Variants in PHLDB2 observed in about 807,000 individuals in gnomAD.
The protein encoded by PHLDB2 is pleckstrin homology-like domain family B member 2.
Under a neutral mutation model 123.6 loss-of-function variants are expected in PHLDB2, and 71 were observed. The observed-to-expected ratio is 0.57, with a 90% CI of 0.47 to 0.70. PHLDB2 has a LOEUF of 0.70. Ranked by LOEUF, PHLDB2 falls within the 30% of genes least tolerant of loss-of-function variation. The pLI is 0.00. For synonymous variants in PHLDB2, 547 were observed against 541.6 expected, an observed-to-expected ratio of 1.01 and a Z score of -0.14; for missense variants, 1,446 against 1,519.5, an observed-to-expected ratio of 0.95 and a Z score of 0.80.
intron 1 of PHLDB2, among the ~76,000 whole-genome samples, chr3:111,818,064 G>C (rs1471461896): frequency 6.6e-6 from 1 of 151,938 alleles, no homozygotes; most frequent in Non-Finnish European, 1.5e-5. Flanking sequence ...GTGAAAAAAG[G>C]CCTTTGATAT....
At chr3:111,929,793 CAG>C (rs1170839079) in intron 5 of PHLDB2, among the ~76,000 whole-genome samples, 1 of 152,150 alleles carries the variant, frequency 6.6e-6, no homozygotes, top group Non-Finnish European at 1.5e-5. Flanking sequence ...TACTGATAAA[CAG>C]AGAAGCTGCA....
At chr3:111,863,740 G>C in intron 1 of PHLDB2, among the ~76,000 whole-genome samples, 1 of 152,178 alleles carries the variant, frequency 6.6e-6, no homozygotes, top group Non-Finnish European at 1.5e-5. Context: ...GAAAATGATA[G>C]TAAAGAAAGT....
In PHLDB2 at chr3:111,952,696, G is replaced by A; in HGVS notation, c.2756G>A (p.Arg919Lys). The A allele has an allele frequency of 6.2e-7, 1 of 1,613,046 alleles. No individual in the cohort carries two copies. Among genetic ancestry groups the A allele is most frequent in the Non-Finnish European group, 8.5e-7 (1 of 1,179,658 alleles). Residue 919 changes from arginine to lysine, a missense_variant, in exon 11 of 18, where the codon AGA becomes AAA. Transcript: ENST00000431670. ...SPHFSSATMG[R>K]SITPKAHLPL... ...CATTTCAGCAGTGCTACTATGGGGA[G>A]AAGCATCACCCCAAAGGTAGGACCT...
At chr3:111,860,912 T>C (rs952769999) in intron 1 of PHLDB2, among the ~76,000 whole-genome samples, 53 of 152,352 alleles carry the variant, frequency 3.5e-4, no homozygotes, top group African/African-American at 1.2e-3. Flanking sequence ...TTTCCCTTCG[T>C]AATATGAACG....
intron 6 of PHLDB2, among the ~76,000 whole-genome samples, chr3:111,934,327 A>G (rs1252491489): frequency 6.6e-6 from 1 of 152,058 alleles, no homozygotes; most frequent in African/African-American, 2.4e-5. Flanking sequence ...CCTAAAGTTC[A>G]CTTTAGGACC....
In PHLDB2 at chr3:111,904,214, G is replaced by A. The variant is rs560902576; in HGVS notation, c.1336-9105G>A. On this transcript the variant is annotated intron_variant, in intron 2 of 17. Coordinates refer to ENST00000431670, the MANE Select transcript of PHLDB2 (RefSeq NM_001134438.2). ...AATTGCTTGGACCCAAGAGGTGGGG[G>A]TTGCAATGAGCCAAGATTGCAACAC... 6.0e-5 allele frequency among the ~76,000 whole-genome samples: 8 copies of A among 133,630 alleles called. No homozygotes were observed. In the South Asian group the frequency reaches 2.0e-3, roughly 33 times the overall value. The allele number at this position is 133,630 out of a possible 152,430, so 87.7% of individuals were successfully genotyped here.
At chr3:111,884,017 T>G (rs778394305) in intron 1 of PHLDB2, 47 bp from the exon 2 acceptor site, 1 of 1,533,272 alleles carries the variant, frequency 6.5e-7, no homozygotes, top group Non-Finnish European at 8.8e-7. Flanking sequence ...GGATTGTTCT[T>G]TTAAAATCTT....
At chr3:111,770,961 G>C (rs113143242) in intron 1 of PHLDB2, among the ~76,000 whole-genome samples, 1 of 54,356 alleles carries the variant, frequency 1.8e-5, no homozygotes, top group Admixed American at 2.1e-4. Flanking sequence ...GCAGCTTGAG[G>C]AGAGATGTGG....
intron 2 of PHLDB2, among the ~76,000 whole-genome samples, chr3:111,894,598 CCTTT>C (rs2066710512): frequency 6.6e-6 from 1 of 151,576 alleles, no homozygotes; most frequent in Non-Finnish European, 1.5e-5. Context: ...TTAATGATTG[CCTTT>C]CTAACTGGTG....
At chr3:111,782,783 T>G (rs2108119345) in intron 1 of PHLDB2, among the ~76,000 whole-genome samples, 1 of 152,254 alleles carries the variant, frequency 6.6e-6, no homozygotes, top group Middle Eastern at 3.4e-3. Flanking sequence ...CTCATCATTT[T>G]GAACAAGTGC....
intron 1 of PHLDB2, among the ~76,000 whole-genome samples, chr3:111,742,393 G>A (rs1046826939): frequency 6.6e-6 from 1 of 152,032 alleles, no homozygotes; most frequent in Non-Finnish European, 1.5e-5. Context: ...CATGTGCCAT[G>A]TTGGTGTGCT....
chr3:111,960,663 C>T (rs982300518), intron 12 of PHLDB2, among the ~76,000 whole-genome samples: 2 of 152,100 alleles, frequency 1.3e-5, no homozygotes, highest in Non-Finnish European at 2.9e-5. Context: ...TACTATTGAC[C>T]ATTTCATTAT....
chr3:111,881,895 T>C (rs572126814), intron 1 of PHLDB2, among the ~76,000 whole-genome samples: 1 of 152,218 alleles, frequency 6.6e-6, no homozygotes, highest in African/African-American at 2.4e-5. Context: ...GGTACCCATG[T>C]AGTTCAATCC....
At chr3:111,741,557 CTG>C (rs945974765) in intron 1 of PHLDB2, among the ~76,000 whole-genome samples, 7 of 150,850 alleles carry the variant, frequency 4.6e-5, no homozygotes, top group Non-Finnish European at 8.9e-5. Flanking sequence ...GTGTGTGTGT[CTG>C]TGTGTGTGTG....
chr3:111,930,407 A>ACTC (rs2107565723), intron 5 of PHLDB2, among the ~76,000 whole-genome samples: 1 of 31,444 alleles, frequency 3.2e-5, no homozygotes, highest in African/African-American at 1.0e-4. Flanking sequence ...TATAATGAGT[A>ACTC]GTCTTCTTTT....
At chr3:111,780,319 G>GA in intron 1 of PHLDB2, among the ~76,000 whole-genome samples, 7 of 5,396 alleles carry the variant, frequency 1.3e-3, no homozygotes, top group South Asian at 0.029. Context: ...GGAAGAGGAA[G>GA]AGGAAGAAGA....
rs2068428845 is a variant in PHLDB2, at chr3:111,920,408, GA to G, written c.1994del (p.Lys665ArgfsTer6). 1 of 1,613,198 alleles carries G rather than the reference GA, an allele frequency of 6.2e-7. No homozygotes were observed. ...TGAACTGGAAAAGAACATTGTTGGT[GA>G]AAAGACCAAGGTAAAAGAAAATTAT... is the stretch of plus-strand genomic sequence containing the variant. ...IAELEKNIVG[E>X]KTKEKVKLDA... is the part of the protein sequence containing the mutation. On this transcript the variant is annotated frameshift_variant, in exon 5 of 18. Coordinates refer to ENST00000431670, the MANE Select transcript of PHLDB2 (RefSeq NM_001134438.2). LOFTEE classifies it high-confidence loss of function.
chr3:111,764,787 T>C (rs755595561), intron 1 of PHLDB2, among the ~76,000 whole-genome samples: 1 of 152,042 alleles, frequency 6.6e-6, no homozygotes, highest in East Asian at 1.9e-4. Context: ...CCTCCTGGAG[T>C]TGTGCAACAG....
intron 13 of PHLDB2, among the ~76,000 whole-genome samples, chr3:111,965,519 A>C (rs1577215310): frequency 1.3e-5 from 2 of 152,224 alleles, no homozygotes; most frequent in East Asian, 3.8e-4. Flanking sequence ...GAGGTCTCTG[A>C]TTCTTCATTT....
Sources: gnomAD v4.1 joint callset for allele counts (sites outside exome capture counted in the v4.1 genomes callset) on GRCh38, gnomAD v4.1.1 for gene constraint, MANE v1.5 for transcripts, NCBI Gene and HGNC (gene_info 2026-07-23, HGNC 2026-07-21) for gene names.